The following ATP11A variants were observed in gnomAD, a reference collection of about 807,000 sequenced individuals.
ATP11A encodes the protein phospholipid-transporting ATPase IH.
ATP11A carries 81 observed loss-of-function variants against 154.4 expected under a neutral mutation model. The ratio of observed to expected loss-of-function variants is 0.52; its 90% confidence interval spans 0.44 to 0.63. The LOEUF (loss-of-function observed/expected upper bound fraction) is 0.63. Among genes scored for constraint, ATP11A ranks in the 30% least tolerant of loss-of-function variants. The pLI is 0.00. For missense variants in ATP11A, 1,316 were observed against 1,474.3 expected, an observed-to-expected ratio of 0.89 and a Z score of 1.76; for synonymous variants, 623 against 585.9, an observed-to-expected ratio of 1.06 and a Z score of -0.91.
chr13:112,736,389 A>G (rs1315651230), intron 1 of ATP11A, among the ~76,000 whole-genome samples: 1 of 152,208 alleles, frequency 6.6e-6, no homozygotes, highest in East Asian at 1.9e-4. Flanking sequence ...ACTTTATAGG[A>G]AAAGATGTTA....
chr13:112,727,927 GA>G (rs1410529056), intron 1 of ATP11A, among the ~76,000 whole-genome samples: 1 of 152,238 alleles, frequency 6.6e-6, no homozygotes, highest in African/African-American at 2.4e-5. Context: ...GTGTAACTCA[GA>G]ACTCAGAGTG....
chr13:112,858,088 G>C, intron 21 of ATP11A, 57 bp from the exon 22 acceptor site: 1 of 1,597,096 alleles, frequency 6.3e-7, no homozygotes, highest in South Asian at 1.1e-5. Context: ...CCCCGTCCCT[G>C]CCCTGTGTGT....
At chr13:112,870,185 G>A (rs569113148) in intron 25 of ATP11A, among the ~76,000 whole-genome samples, 2 of 152,306 alleles carry the variant, frequency 1.3e-5, no homozygotes, top group African/African-American at 4.8e-5. Context: ...TGTGTTGATG[G>A]GGGCCCCTAA....
At chr13:112,776,248 T>C (rs1334489935) in intron 1 of ATP11A, among the ~76,000 whole-genome samples, 1 of 152,206 alleles carries the variant, frequency 6.6e-6, no homozygotes, top group Non-Finnish European at 1.5e-5. Flanking sequence ...GCCCCTGTAG[T>C]GTGTCCTGTG....
At chr13:112,788,067 T>A (rs892709405) in intron 2 of ATP11A, among the ~76,000 whole-genome samples, 10 of 150,370 alleles carry the variant, frequency 6.7e-5, no homozygotes, top group Non-Finnish European at 1.3e-4. Flanking sequence ...TGTGGATACC[T>A]ACTTAATTCA....
chr13:112,773,032 G>A (rs1283925831), intron 1 of ATP11A, among the ~76,000 whole-genome samples: 1 of 152,096 alleles, frequency 6.6e-6, no homozygotes, highest in African/African-American at 2.4e-5. Context: ...TACAGGGAAG[G>A]CCTGGTCCAT....
intron 17 of ATP11A, among the ~76,000 whole-genome samples, chr13:112,844,387 C>T (rs1210695199): frequency 6.6e-6 from 1 of 152,206 alleles, no homozygotes; most frequent in African/African-American, 2.4e-5. Context: ...AATGCGAGAG[C>T]AGCAAGGGCA....
At chr13:112,781,267 T>C (rs919629496) in intron 1 of ATP11A, among the ~76,000 whole-genome samples, 2 of 152,078 alleles carry the variant, frequency 1.3e-5, no homozygotes, top group African/African-American at 2.4e-5. Context: ...CTTGAACTCC[T>C]GGCCTCAAGC....
chr13:112,849,155 T>C (rs1204178697), intron 17 of ATP11A, among the ~76,000 whole-genome samples: 2 of 152,268 alleles, frequency 1.3e-5, no homozygotes, highest in African/African-American at 4.8e-5. Context: ...GACTTTCATA[T>C]GTTGACTCAC....
At chr13:112,825,705 C>T in intron 11 of ATP11A, 125 bp downstream of exon 11, 4 of 1,137,348 alleles carry the variant, frequency 3.5e-6, no homozygotes, top group South Asian at 3.3e-5. Flanking sequence ...TTGATTCAGT[C>T]TCTGTGATAG....
chr13:112,700,982 T>C (rs1216221964), intron 1 of ATP11A, among the ~76,000 whole-genome samples: 2 of 152,170 alleles, frequency 1.3e-5, no homozygotes, highest in Non-Finnish European at 2.9e-5. Flanking sequence ...ACGTTAGCGC[T>C]GTGGGGAAGA....
intron 8 of ATP11A, among the ~76,000 whole-genome samples, chr13:112,822,994 TG>T (rs1420008016): frequency 1.3e-5 from 2 of 151,998 alleles, no homozygotes; most frequent in Non-Finnish European, 2.9e-5. Context: ...ACGGCACTGG[TG>T]GGGCCACCTC....
intron 1 of ATP11A, among the ~76,000 whole-genome samples, chr13:112,743,916 G>A (rs1891826043): frequency 6.6e-6 from 1 of 152,224 alleles, no homozygotes; most frequent in Non-Finnish European, 1.5e-5. Context: ...AGGAAAAAGG[G>A]GAGTTGTGCA....
intron 29 of ATP11A, chr13:112,880,820 G>A (rs1951980530): frequency 1.0e-6 from 1 of 985,350 alleles, no homozygotes; most frequent in Admixed American, 6.1e-5. Flanking sequence ...ACACGCCTGA[G>A]GGCAAGCTGA....
At chr13:112,741,651 CAG>C (rs1422709722) in intron 1 of ATP11A, among the ~76,000 whole-genome samples, 6 of 152,286 alleles carry the variant, frequency 3.9e-5, no homozygotes, top group South Asian at 2.1e-4. Context: ...CAGGGAGACT[CAG>C]GGGCCCGTGC....
chr13:112,860,288 CTT>C lies in ATP11A; in HGVS notation c.2731_2732del (p.Leu911ValfsTer31). On this transcript the variant is annotated frameshift_variant and splice_region_variant, in exon 24 of 30. Coordinates refer to ENST00000375645, the MANE Select transcript of ATP11A (RefSeq NM_015205.3). ...CTTCTTGTGACTTTCCTCTTACAGA[CTT>C]TGTACGACACCGCGTATCTGACCCT... The C allele has an allele frequency of 6.2e-7, 1 of 1,613,356 alleles. No individual in the cohort carries two copies. Among genetic ancestry groups the C allele is most frequent in the Non-Finnish European group, 8.5e-7 (1 of 1,179,564 alleles).
chr13:112,881,292 G>T, intron 29 of ATP11A: 1 of 997,060 alleles, frequency 1.0e-6, no homozygotes, highest in Non-Finnish European at 1.2e-6. Flanking sequence ...CAGAAGCCAT[G>T]CAGGCCCCAT....
At chr13:112,775,080 C>T (rs909679965) in intron 1 of ATP11A, among the ~76,000 whole-genome samples, 3 of 152,276 alleles carry the variant, frequency 2.0e-5, no homozygotes, top group African/African-American at 7.2e-5. Flanking sequence ...GGGTTGCCCG[C>T]AGGGGCCTTG....
chr13:112,849,513 A>G (rs1247888252), intron 17 of ATP11A, among the ~76,000 whole-genome samples: 1 of 152,252 alleles, frequency 6.6e-6, no homozygotes, highest in Non-Finnish European at 1.5e-5. Context: ...ATTATCCTGT[A>G]AAACCATTTT....
Sources: gnomAD v4.1 joint callset for allele counts (sites outside exome capture counted in the v4.1 genomes callset) on GRCh38, gnomAD v4.1.1 for gene constraint, MANE v1.5 for transcripts, NCBI Gene and HGNC (gene_info 2026-07-23, HGNC 2026-07-21) for gene names.